The following BLVRA variants were observed in gnomAD, a reference collection of about 807,000 sequenced individuals.
BLVRA encodes biliverdin reductase A.
Under a neutral mutation model 32.8 loss-of-function variants are expected in BLVRA, and 22 were observed. That is an observed-to-expected ratio of 0.67 (90% CI 0.48 to 0.96). The LOEUF is 0.96. BLVRA is among the 40% of genes least tolerant of loss of function. The pLI is 0.00. For synonymous variants in BLVRA, 119 were observed against 141.3 expected (o/e 0.84, Z 1.12); for missense variants, 323 against 358.1 (o/e 0.90, Z 0.79).
Position 43,771,147 on chromosome 7 carries a change from G to A in BLVRA, c.-12G>A. The A allele has an allele frequency of 6.2e-7, 1 of 1,614,052 alleles. No homozygotes were observed. Among genetic ancestry groups the A allele is most frequent in the Non-Finnish European group, 8.5e-7 (1 of 1,179,900 alleles). ...GCTTTTGTCTTTACAGTGACCGAAG[G>A]AAGAGACCAAGATGAATGCAGAGGT... is the stretch of plus-strand genomic sequence containing the variant. On this transcript the variant is annotated 5_prime_UTR_variant, in exon 2 of 8. Coordinates refer to ENST00000265523, the MANE Select transcript of BLVRA (RefSeq NM_000712.4).
intron 4 of BLVRA, among the ~76,000 whole-genome samples, chr7:43,792,202 G>A (rs1040999538): frequency 3.9e-5 from 6 of 152,094 alleles, no homozygotes; most frequent in Admixed American, 3.3e-4. Flanking sequence ...GAAGTTTGCC[G>A]ATTGAACAAA....
At chr7:43,801,020 GCC>G (rs1162331672) in intron 6 of BLVRA, among the ~76,000 whole-genome samples, 1 of 151,520 alleles carries the variant, frequency 6.6e-6, no homozygotes, top group African/African-American at 2.4e-5. Flanking sequence ...TTACTCTGTT[GCC>G]CAGGTCTTAC....
At chr7:43,771,740 G>T (rs1055329459) in intron 2 of BLVRA, among the ~76,000 whole-genome samples, 1 of 152,170 alleles carries the variant, frequency 6.6e-6, no homozygotes, top group African/African-American at 2.4e-5. Context: ...CAAGAGGGGG[G>T]TCTTGGGTGA....
chr7:43,758,812 T>G (rs910775163), intron 1 of BLVRA, 78 bp downstream of exon 1: 1 of 151,362 alleles, frequency 6.6e-6, no homozygotes, highest in Non-Finnish European at 1.5e-5. Flanking sequence ...CGCTAGGGCC[T>G]GAGCTCGAAG....
chr7:43,796,106 C>T (rs541575261), intron 5 of BLVRA, among the ~76,000 whole-genome samples: 45 of 128,678 alleles, frequency 3.5e-4, no homozygotes, highest in African/African-American at 1.2e-3. Flanking sequence ...GGCAACAGAG[C>T]GAGACTCTGT....
In BLVRA at chr7:43,805,284, T is replaced by C. The variant is rs17246121; in HGVS notation, c.632+1437T>C. Among the ~76,000 whole-genome samples, 289 of 32,546 alleles carry C rather than the reference T, an allele frequency of 8.9e-3. 1 individual carries two copies. The highest frequency in any genetic ancestry group is 0.034 in the African/African-American group (256 of 7,462). The allele number at this position is 32,546 out of a possible 152,430, so 21.4% of individuals were successfully genotyped here. A position where few individuals can be genotyped will look rare whatever the true frequency, so the allele number is the denominator to read the frequency against. ...AGGCAGAGGCTGACTCTCTCTCTCT[T>C]TTTTTTTTTTTTTTATGAGACAAAG... On this transcript the variant is annotated intron_variant, in intron 7 of 7. Coordinates refer to ENST00000265523, the MANE Select transcript of BLVRA (RefSeq NM_000712.4).
intron 2 of BLVRA, among the ~76,000 whole-genome samples, chr7:43,774,670 G>A (rs1198453862): frequency 6.6e-6 from 1 of 152,120 alleles, no homozygotes; most frequent in South Asian, 2.1e-4. Context: ...TTCCAATTCT[G>A]TGAAGAAAGT....
chr7:43,804,560 A>T (rs2095802148), intron 7 of BLVRA, among the ~76,000 whole-genome samples: 1 of 152,216 alleles, frequency 6.6e-6, no homozygotes, highest in Non-Finnish European at 1.5e-5. Context: ...GTAAACACCC[A>T]TCCACCTACT....
chr7:43,776,071 T>A (rs1202852287), intron 2 of BLVRA, among the ~76,000 whole-genome samples: 1 of 152,246 alleles, frequency 6.6e-6, no homozygotes, highest in Non-Finnish European at 1.5e-5. Context: ...ATCAATTTTG[T>A]TGATCTTTTC....
At position 43,807,250 on chromosome 7, in the gene BLVRA, G is replaced by A; in HGVS notation, c.*15G>A. On this transcript the variant is annotated 3_prime_UTR_variant, in exon 8 of 8. Transcript: ENST00000265523. ...CAAGGAAGTAAGAGGAGGAGGTGAT[G>A]TAGCACTTCCAAGATGGCACCAGCA... is the stretch of plus-strand genomic sequence containing the variant. 4 of 1,601,860 alleles carry A rather than the reference G, an allele frequency of 2.5e-6. 1 individual carries two copies. The South Asian group carries it at 3.3e-5, about 13-fold the overall frequency.
chr7:43,771,908 TC>T (rs2095755115), intron 2 of BLVRA, among the ~76,000 whole-genome samples: 1 of 152,214 alleles, frequency 6.6e-6, no homozygotes, highest in South Asian at 2.1e-4. Flanking sequence ...AGCTCTGTCC[TC>T]CTCGAAGGTC....
At chr7:43,785,346 A>G (rs1003367292) in intron 2 of BLVRA, among the ~76,000 whole-genome samples, 42 of 151,778 alleles carry the variant, frequency 2.8e-4, no homozygotes, top group Non-Finnish European at 5.2e-4. Context: ...AAAAAAAAAA[A>G]AGAAAAGAAA....
chr7:43,799,780 T>C (rs1056915547), intron 5 of BLVRA, among the ~76,000 whole-genome samples: 2 of 152,042 alleles, frequency 1.3e-5, no homozygotes, highest in Non-Finnish European at 2.9e-5. Flanking sequence ...GGGCACGTTC[T>C]TACTCTGTTA....
At chr7:43,793,762 T>A (rs1038650643) in intron 5 of BLVRA, among the ~76,000 whole-genome samples, 2 of 151,754 alleles carry the variant, frequency 1.3e-5, no homozygotes, top group African/African-American at 4.8e-5. Context: ...TAGCTAGGAT[T>A]ACAGGCGCCC....
intron 2 of BLVRA, 58 bp downstream of exon 2, chr7:43,771,228 C>A: frequency 6.3e-7 from 1 of 1,579,662 alleles, no homozygotes; most frequent in South Asian, 1.1e-5. Context: ...TCCCTCATTT[C>A]TCCTTTGCAG....
Position 43,787,933 on chromosome 7 carries a change from TG to T in BLVRA, c.44del (p.Gly15ValfsTer10). 5 of 1,614,138 alleles carry T rather than the reference TG, an allele frequency of 3.1e-6. No individual in the cohort carries two copies. The highest frequency in any genetic ancestry group is 4.2e-6 in the Non-Finnish European group (5 of 1,180,022). ...AGAGGAAGTTTGGCGTGGTGGTGGT[TG>T]GTGTTGGCCGAGCCGGCTCCGTGCG... The part of the protein sequence containing the change: ...PERKFGVVVV[G>X]VGRAGSVRMR... On this transcript the variant is annotated frameshift_variant, in exon 3 of 8. Coordinates refer to ENST00000265523, the MANE Select transcript of BLVRA (RefSeq NM_000712.4). LOFTEE classifies it high-confidence loss of function. This position sits in a 1 kb window ranked among gnomAD's most constrained non-coding sequence, Gnocchi z 4.5.
intron 2 of BLVRA, among the ~76,000 whole-genome samples, chr7:43,783,271 A>G (rs1384352738): frequency 6.6e-6 from 1 of 152,198 alleles, no homozygotes; most frequent in Non-Finnish European, 1.5e-5. Context: ...TGCTCCCAGC[A>G]AGAGCATGTC....
intron 2 of BLVRA, among the ~76,000 whole-genome samples, chr7:43,773,125 TTTTAA>T (rs1243531378): frequency 1.3e-5 from 2 of 152,186 alleles, no homozygotes; most frequent in African/African-American, 4.8e-5. Flanking sequence ...ATCTTTCTTT[TTTTAA>T]TTTAATTTTA....
At chr7:43,789,028 C>T (rs1014184818) in intron 3 of BLVRA, among the ~76,000 whole-genome samples, 1 of 151,948 alleles carries the variant, frequency 6.6e-6, no homozygotes, top group Admixed American at 6.6e-5. Flanking sequence ...ATTTTCCACT[C>T]ACCCCTGTAC....
Sources: allele counts gnomAD v4.1 joint callset (sites outside exome capture counted in the v4.1 genomes callset), GRCh38; gene constraint gnomAD v4.1.1; non-coding constraint Gnocchi (gnomAD v3.1); transcripts MANE v1.5; gene names NCBI Gene and HGNC (gene_info 2026-07-23, HGNC 2026-07-21).